The following XPO6 variants were observed in gnomAD, a reference collection of about 807,000 sequenced individuals.
The protein encoded by XPO6 is exportin-6.
In XPO6, 3 loss-of-function variants were observed where a neutral mutation model predicts 130.0. The ratio of observed to expected loss-of-function variants is 0.02; its 90% CI spans 0.01 to 0.06. The LOEUF is 0.06. Among genes scored for constraint, XPO6 ranks in the 10% least tolerant of loss-of-function variants. XPO6 has a pLI of 1.00. For synonymous variants in XPO6, 524 were observed against 548.9 expected, an observed-to-expected ratio of 0.95 and a Z score of 0.63; for missense variants, 970 against 1,393.0, an observed-to-expected ratio of 0.70 and a Z score of 4.83.
At position 28,098,297 on chromosome 16, in the gene XPO6, C is replaced by A; in HGVS notation, c.*241G>T. The A allele has an allele frequency of 2.3e-6, 1 of 442,696 alleles. No homozygotes were observed. The highest frequency in any genetic ancestry group is 4.1e-6 in the Non-Finnish European group (1 of 245,008). The allele number at this position is 442,696 out of a possible 1,614,324, so 27.4% of individuals were successfully genotyped here. On this transcript the variant is annotated 3_prime_UTR_variant, in exon 24 of 24. Transcript: ENST00000304658. ...TTTCCTGGTGCCTCCTAGTACCTGG[C>A]CACACACCCCTCCGCCTGCTCCAAC...
Position 28,169,884 on chromosome 16 carries a change from G to A in XPO6, c.431C>T (p.Pro144Leu), listed in dbSNP as rs368155053. ...LQLIQSPVTT[P>L]LGLIMLKTTS... ...TGTCTTCAACATGATCAGCCCAAGG[G>A]GGGTTGTCACAGGGGACTGGATCAA... The change falls in exon 5 of 24, where the codon CCC becomes CTC. Residue 144 changes from proline (P) to leucine (L), a missense_variant. Transcript: ENST00000304658. 3 of 1,614,124 alleles carry A rather than the reference G, an allele frequency of 1.9e-6. No individual in the cohort carries two copies. Among genetic ancestry groups the A allele is most frequent in the Non-Finnish European group, 2.5e-6 (3 of 1,179,986 alleles).
At chr16:28,139,652 A>T (rs182651829) in intron 9 of XPO6, among the ~76,000 whole-genome samples, 2 of 152,344 alleles carry the variant, frequency 1.3e-5, no homozygotes, top group Admixed American at 1.3e-4. Context: ...TCTAATCTAT[A>T]TGGTGGTAAG....
rs2086997434 is a variant in XPO6, at chr16:28,114,198, A to AC, written c.2005-1149dup. Among the ~76,000 whole-genome samples, 8 of 119,304 alleles carry AC rather than the reference A, an allele frequency of 6.7e-5. No individual in the cohort carries two copies. In the East Asian group the frequency reaches 1.3e-3, roughly 19 times the overall value. 78.3% of individuals were successfully genotyped at this position (119,304 alleles called of 152,430 possible). On this transcript the variant is annotated intron_variant, in intron 15 of 23. Transcript: ENST00000304658. ...AATAGGAAAATTATTATACATCCTC[A>AC]CAAAAAAAAAAAAAAAAAACCACTG...
rs1374896238 is a variant in XPO6 at position 28,211,376 on chromosome 16, G to T, written c.-8C>A. ...TCCAATTCCACTTACCATGCTGGCC[G>T]GGGAGGGGGCGGCTCAGATGAGCTG... On this transcript the variant is annotated 5_prime_UTR_variant, in exon 1 of 24. Coordinates refer to ENST00000304658, the MANE Select transcript of XPO6 (RefSeq NM_015171.4). 7 of 1,312,534 alleles carry T rather than the reference G, an allele frequency of 5.3e-6. No individual in the cohort carries two copies. The highest frequency in any genetic ancestry group is 6.9e-6 in the Non-Finnish European group (7 of 1,021,678). The allele number at this position is 1,312,534 out of a possible 1,614,324, so 81.3% of individuals were successfully genotyped here.
chr16:28,121,005 T>C (rs948143326), intron 14 of XPO6, among the ~76,000 whole-genome samples: 1 of 152,258 alleles, frequency 6.6e-6, no homozygotes, highest in Non-Finnish European at 1.5e-5. Flanking sequence ...CCTGCTCTCA[T>C]CTAAAGCAAG....
At chr16:28,102,043 ATTGTC>A (rs1413931769) in intron 21 of XPO6, 98 bp from the exon 22 acceptor site, 15 of 960,212 alleles carry the variant, frequency 1.6e-5, no homozygotes, top group Non-Finnish European at 2.2e-5. Context: ...CAGGGTACCC[ATTGTC>A]TTGATGCTTC....
chr16:28,146,423 A>T (rs2042983768), intron 8 of XPO6: 4 of 478,678 alleles, frequency 8.4e-6, no homozygotes, highest in African/African-American at 7.7e-5. Flanking sequence ...CATGAGGGAG[A>T]TACTGTGCAG....
At chr16:28,179,759 C>T (rs563872247) in intron 2 of XPO6, among the ~76,000 whole-genome samples, 4 of 152,270 alleles carry the variant, frequency 2.6e-5, no homozygotes, top group African/African-American at 9.6e-5. Context: ...AATAAGTAGT[C>T]CAAGTCCACA....
chr16:28,104,403 G>C (rs759230531), intron 21 of XPO6, 143 bp downstream of exon 21: 2 of 1,084,678 alleles, frequency 1.8e-6, no homozygotes, highest in Non-Finnish European at 1.3e-6. Flanking sequence ...AGAAACTGAG[G>C]CTCCAAGAAA....
intron 17 of XPO6, among the ~76,000 whole-genome samples, chr16:28,108,925 G>A (rs2086848765): frequency 1.3e-5 from 2 of 152,194 alleles, no homozygotes; most frequent in Non-Finnish European, 2.9e-5. Context: ...CCACAGGCCT[G>A]GTCCTGGTCC....
intron 1 of XPO6, 90 bp from the exon 2 acceptor site, chr16:28,181,121 G>T (rs2141872189): frequency 2.2e-6 from 2 of 925,962 alleles, no homozygotes; most frequent in Non-Finnish European, 3.3e-6. Flanking sequence ...AACAGCAAGA[G>T]CAATTTACTT....
intron 23 of XPO6, among the ~76,000 whole-genome samples, chr16:28,099,829 C>G (rs1238378643): frequency 1.3e-5 from 2 of 152,198 alleles, no homozygotes; most frequent in African/African-American, 2.4e-5. Flanking sequence ...CAGTGCGTGA[C>G]TGAATGGAAG....
In XPO6 at chr16:28,104,721, C is replaced by T. The variant is rs547526882; in HGVS notation, c.2785-14G>A. On this transcript the variant is annotated splice_polypyrimidine_tract_variant and intron_variant, in intron 20 of 23. Coordinates refer to ENST00000304658, the MANE Select transcript of XPO6 (RefSeq NM_015171.4). ...AGGGGAGGGACGCTGCAAAGACACA[C>T]AGACGCTCAGACCTGCAGCTTGCGG... 7.4e-6 allele frequency: 12 copies of T among 1,613,100 alleles called. No homozygotes were observed. Among genetic ancestry groups the T allele is most frequent in the East Asian group, 2.2e-5 (1 of 44,878 alleles).
intron 1 of XPO6, among the ~76,000 whole-genome samples, chr16:28,187,304 T>C (rs572595885): frequency 6.6e-6 from 1 of 152,316 alleles, no homozygotes; most frequent in South Asian, 2.1e-4. Context: ...CAGATTACAG[T>C]ACAGATCAGG....
intron 8 of XPO6, among the ~76,000 whole-genome samples, chr16:28,152,375 A>C (rs1236572727): frequency 1.3e-5 from 2 of 152,208 alleles, no homozygotes; most frequent in Non-Finnish European, 2.9e-5. Context: ...AGTGGTCAAG[A>C]GCCCTGACTC....
chr16:28,135,019 T>C (rs1485149046), intron 10 of XPO6, among the ~76,000 whole-genome samples, 197 bp downstream of exon 10: 1 of 152,192 alleles, frequency 6.6e-6, no homozygotes, highest in Admixed American at 6.5e-5. Context: ...TAAAAAAGCC[T>C]GTAAAACATT....
chr16:28,149,822 C>T (rs1386764098), intron 8 of XPO6, among the ~76,000 whole-genome samples: 1 of 152,148 alleles, frequency 6.6e-6, no homozygotes, highest in Non-Finnish European at 1.5e-5. Flanking sequence ...TTAGAAACAA[C>T]AGGCAAGAAT....
At chr16:28,190,843 A>T (rs1416353058) in intron 1 of XPO6, among the ~76,000 whole-genome samples, 2 of 151,994 alleles carry the variant, frequency 1.3e-5, no homozygotes, top group Non-Finnish European at 2.9e-5. Context: ...TGTGTGTGTG[A>T]ATGTACATGC....
At chr16:28,184,683 T>G (rs1405578615) in intron 1 of XPO6, among the ~76,000 whole-genome samples, 1 of 151,324 alleles carries the variant, frequency 6.6e-6, no homozygotes, top group Non-Finnish European at 1.5e-5. Context: ...AAAAAGCCTA[T>G]AAATAAGTGT....
Sources: allele counts gnomAD v4.1 joint callset (sites outside exome capture counted in the v4.1 genomes callset), GRCh38; gene constraint gnomAD v4.1.1; transcripts MANE v1.5; gene names NCBI Gene and HGNC (gene_info 2026-07-23, HGNC 2026-07-21).